The following PPARGC1A variants were observed in gnomAD, a reference collection of about 807,000 sequenced individuals.
PPARGC1A encodes the protein peroxisome proliferator-activated receptor gamma coactivator 1-alpha.
Under a neutral mutation model 88.7 loss-of-function variants are expected in PPARGC1A, and 25 were observed. That is an observed-to-expected ratio of 0.28 (90% CI 0.21 to 0.39). The LOEUF is 0.39. Among genes scored for constraint, PPARGC1A ranks in the 10% least tolerant of loss-of-function variants. The probability of loss-of-function intolerance (pLI) is 1.00; values close to 1 mark genes in which losing one functional copy is unlikely to be tolerated. For synonymous variants in PPARGC1A, 363 were observed against 355.6 expected (o/e 1.02, Z -0.24); for missense variants, 880 against 968.7 (o/e 0.91, Z 1.22).
At chr4:24,024,499 A>G in the PPARGC1A span, among the ~76,000 whole-genome samples, 1 of 151,950 alleles carries the variant, frequency 6.6e-6, no homozygotes. Context: ...GCCTTTTCTC[A>G]ACAGCCTTGG....
the PPARGC1A span, among the ~76,000 whole-genome samples, chr4:24,127,029 C>T: frequency 6.6e-6 from 1 of 152,124 alleles, no homozygotes; most frequent in African/African-American, 2.4e-5. Context: ...GCCACTATGC[C>T]TTCCTTTCAT....
intron 2 of PPARGC1A, 131 bp from the exon 3 acceptor site, chr4:23,831,882 C>G (rs918908531): frequency 2.8e-6 from 2 of 714,776 alleles, no homozygotes; most frequent in Non-Finnish European, 4.7e-6. Flanking sequence ...ACACAAAGAT[C>G]ATGTCTTTCT....
the PPARGC1A span, among the ~76,000 whole-genome samples, chr4:24,370,638 G>A: frequency 6.7e-6 from 1 of 150,314 alleles, no homozygotes; most frequent in East Asian, 2.0e-4. Flanking sequence ...CCACAAGGGA[G>A]AATTACATGC....
At chr4:24,244,361 A>G in the PPARGC1A span, among the ~76,000 whole-genome samples, 3 of 152,224 alleles carry the variant, frequency 2.0e-5, no homozygotes, top group East Asian at 1.9e-4. Context: ...ATTTTTGAGC[A>G]TGTATCATGT....
the PPARGC1A span, among the ~76,000 whole-genome samples, chr4:24,047,694 C>G: frequency 3.3e-5 from 5 of 152,156 alleles, no homozygotes; most frequent in Admixed American, 6.5e-5. Flanking sequence ...TCCTTCTCAG[C>G]CAACAGCAGA....
At chr4:24,047,653 G>T in the PPARGC1A span, among the ~76,000 whole-genome samples, 18 of 152,196 alleles carry the variant, frequency 1.2e-4, no homozygotes, top group Non-Finnish European at 1.3e-4. Flanking sequence ...TTACCCAGTT[G>T]TTCACGAAGC....
the PPARGC1A span, among the ~76,000 whole-genome samples, chr4:23,932,316 A>T: frequency 4.4e-5 from 2 of 45,620 alleles, no homozygotes. Flanking sequence ...CTTGGCTGGG[A>T]ACTATCTAGT....
intron 1 of PPARGC1A, among the ~76,000 whole-genome samples, chr4:23,897,424 G>A (rs146936618): frequency 2.4e-4 from 36 of 152,206 alleles, no homozygotes; most frequent in Middle Eastern, 6.8e-3. Flanking sequence ...TTTGACTTTG[G>A]GTGATTCATG....
At chr4:24,415,077 C>A in the PPARGC1A span, among the ~76,000 whole-genome samples, 1 of 151,986 alleles carries the variant, frequency 6.6e-6, no homozygotes, top group Non-Finnish European at 1.5e-5. Context: ...GTAATCCCAG[C>A]TACTTGGGAA....
the PPARGC1A span, among the ~76,000 whole-genome samples, chr4:24,264,704 C>A: frequency 9.2e-5 from 14 of 152,238 alleles, no homozygotes; most frequent in Non-Finnish European, 1.8e-4. Flanking sequence ...GAGATGAGTT[C>A]TTGTCTCATG....
At position 23,884,913 on chromosome 4, in the gene PPARGC1A, C is replaced by T; in HGVS notation, c.73G>A (p.Glu25Lys). The T allele has an allele frequency of 6.2e-7, 1 of 1,613,146 alleles. No individual in the cohort carries two copies. The highest frequency in any genetic ancestry group is 2.2e-5 in the East Asian group (1 of 44,804). The change falls in exon 2 of 13, where the codon GAA becomes AAA. Residue 25 changes from glutamate (E) to lysine (K), a missense_variant. Glu to Lys is a moderately conservative substitution (Grantham distance 56). Transcript: ENST00000264867. ...SDIECAALVG[E>K]DQPLCPDLPE... is the part of the protein sequence containing the mutation. ...AGATCTGGGCAAAGAGGCTGGTCTT[C>T]ACCAACCAGAGCAGCACACTGCAGG...
At chr4:23,921,960 T>C in the PPARGC1A span, among the ~76,000 whole-genome samples, 2,213 of 152,324 alleles carry the variant, frequency 0.015, 24 homozygotes, top group Non-Finnish European at 0.024. Flanking sequence ...AATAATACCA[T>C]TCATTCATTC....
chr4:23,912,115 G>A, the PPARGC1A span, among the ~76,000 whole-genome samples: 1 of 152,170 alleles, frequency 6.6e-6, no homozygotes, highest in Non-Finnish European at 1.5e-5. Context: ...GAGAGACAGA[G>A]AATTCCCAGT....
chr4:23,797,623 ATAG>A (rs1252127395), intron 12 of PPARGC1A, among the ~76,000 whole-genome samples: 4 of 152,224 alleles, frequency 2.6e-5, no homozygotes, highest in Admixed American at 6.5e-5. Flanking sequence ...AAATTGTGAA[ATAG>A]TAGTTCTCAA....
At chr4:24,165,613 C>T in the PPARGC1A span, among the ~76,000 whole-genome samples, 3 of 152,194 alleles carry the variant, frequency 2.0e-5, no homozygotes, top group African/African-American at 7.2e-5. Context: ...CTCTGTATCA[C>T]ATTTTGGTAA....
intron 2 of PPARGC1A, among the ~76,000 whole-genome samples, chr4:23,861,232 C>A (rs1238414519): frequency 6.6e-6 from 1 of 152,170 alleles, no homozygotes; most frequent in Non-Finnish European, 1.5e-5. Flanking sequence ...AACATCAATG[C>A]ACAAAAACCT....
At chr4:24,173,172 G>C in the PPARGC1A span, among the ~76,000 whole-genome samples, 1 of 152,082 alleles carries the variant, frequency 6.6e-6, no homozygotes, top group Middle Eastern at 3.2e-3. Context: ...CGATGTGTCA[G>C]AGTGGAGCTG....
At chr4:23,871,146 C>T (rs926848846) in intron 2 of PPARGC1A, among the ~76,000 whole-genome samples, 9 of 152,064 alleles carry the variant, frequency 5.9e-5, no homozygotes, top group African/African-American at 1.9e-4. Context: ...CCAAATGTAT[C>T]GAAACACAGA....
the PPARGC1A span, among the ~76,000 whole-genome samples, chr4:24,272,581 C>T: frequency 6.6e-6 from 1 of 152,162 alleles, no homozygotes. Context: ...TTCAGAATTA[C>T]CCATTTCCAC....
Sources: gnomAD v4.1 joint callset for allele counts (sites outside exome capture counted in the v4.1 genomes callset) on GRCh38, gnomAD v4.1.1 for gene constraint, MANE v1.5 for transcripts, NCBI Gene and HGNC (gene_info 2026-07-23, HGNC 2026-07-21) for gene names.